KREMEN1: variants seen among roughly 807,000 people sequenced by gnomAD.
KREMEN1 encodes kringle containing transmembrane protein 1, also known as kremen protein 1.
KREMEN1 carries 30 observed loss-of-function variants against 46.5 expected under a neutral mutation model. The ratio of observed to expected loss-of-function variants is 0.65; its 90% CI spans 0.48 to 0.88. The LOEUF (loss-of-function observed/expected upper bound fraction) is 0.88. Ranked by LOEUF, KREMEN1 falls within the 40% of genes least tolerant of loss-of-function variation. The probability of loss-of-function intolerance (pLI) is 0.00; values close to 1 mark genes in which losing one functional copy is unlikely to be tolerated. For synonymous variants in KREMEN1, 214 were observed against 230.6 expected (o/e 0.93, Z 0.65); for missense variants, 533 against 596.9 (o/e 0.89, Z 1.11).
chr22:29,086,962 T>C (rs1469695918), intron 1 of KREMEN1, among the ~76,000 whole-genome samples: 4 of 152,100 alleles, frequency 2.6e-5, no homozygotes, highest in African/African-American at 9.7e-5. Flanking sequence ...GAGGTCTCCC[T>C]ATGTTGCCCA....
At chr22:29,109,614 A>C (rs2038111909) in intron 3 of KREMEN1, among the ~76,000 whole-genome samples, 1 of 152,168 alleles carries the variant, frequency 6.6e-6, no homozygotes, top group Non-Finnish European at 1.5e-5. Context: ...TGAGTAGAGG[A>C]GTGGACAAAA....
At chr22:29,079,221 T>C (rs134608) in intron 1 of KREMEN1, among the ~76,000 whole-genome samples, 111,532 of 152,136 alleles carry the variant, frequency 0.73, 41,340 homozygotes, top group Middle Eastern at 0.84. Context: ...TTCCTTCCCC[T>C]CCTTTTAAAT....
chr22:29,129,435 G>A (rs1278484758), intron 5 of KREMEN1, among the ~76,000 whole-genome samples: 1 of 152,104 alleles, frequency 6.6e-6, no homozygotes, highest in East Asian at 1.9e-4. Context: ...CATTGAACAA[G>A]GCTGAGCACT....
At chr22:29,136,478 A>C (rs1040975942) in intron 5 of KREMEN1, among the ~76,000 whole-genome samples, 5 of 151,636 alleles carry the variant, frequency 3.3e-5, no homozygotes, top group African/African-American at 9.7e-5. Flanking sequence ...GAAGGCTGAG[A>C]CAGGAGAATT....
intron 3 of KREMEN1, among the ~76,000 whole-genome samples, chr22:29,104,393 C>T (rs1601772064): frequency 6.6e-6 from 1 of 152,200 alleles, no homozygotes; most frequent in South Asian, 2.1e-4. Flanking sequence ...CTGGGCTCAG[C>T]AATCCTCCTG....
At chr22:29,133,879 T>G (rs974393558) in intron 5 of KREMEN1, 16 of 152,200 alleles carry the variant, frequency 1.1e-4, no homozygotes, top group Admixed American at 1.0e-3. Flanking sequence ...TGTTGGGAGC[T>G]CTGTTCTCTT....
rs771975669 is a variant in KREMEN1, at chr22:29,140,374, C to G, written c.1208+8C>G. On this transcript the variant is annotated splice_region_variant and intron_variant, in intron 8 of 8. Coordinates refer to ENST00000400335, the MANE Select transcript of KREMEN1 (RefSeq NM_001039570.3). ...TCTGCACGTCACATTCAAGTGAGTA[C>G]AAGAGGGAGCTGCCCAATTCCAGGA... 6.3e-7 allele frequency: 1 copy of G among 1,596,594 alleles called. No homozygotes were observed. Among genetic ancestry groups the G allele is most frequent in the African/African-American group, 1.3e-5 (1 of 74,596 alleles).
chr22:29,133,667 T>TG (rs1158124926), intron 5 of KREMEN1, among the ~76,000 whole-genome samples: 2 of 152,162 alleles, frequency 1.3e-5, no homozygotes, highest in African/African-American at 4.8e-5. Context: ...TTTGTTTGTT[T>TG]TTTTTGCTTT....
chr22:29,136,967 C>T (rs1041338435), intron 5 of KREMEN1, among the ~76,000 whole-genome samples: 10 of 152,166 alleles, frequency 6.6e-5, no homozygotes, highest in Non-Finnish European at 1.2e-4. Context: ...CACACATTCC[C>T]GTGATACAGG....
chr22:29,098,644 A>C (rs1416814901), intron 2 of KREMEN1, among the ~76,000 whole-genome samples: 5 of 152,024 alleles, frequency 3.3e-5, no homozygotes, highest in Non-Finnish European at 7.4e-5. Flanking sequence ...ACCTTTACTC[A>C]CTTCCCCCCA....
At chr22:29,134,780 T>C (rs1346750285) in intron 5 of KREMEN1, among the ~76,000 whole-genome samples, 1 of 152,224 alleles carries the variant, frequency 6.6e-6, no homozygotes, top group Non-Finnish European at 1.5e-5. Flanking sequence ...CGGGCTGCTA[T>C]CAGCTTGTGC....
chr22:29,125,600 G>A (rs2038429837), intron 5 of KREMEN1, among the ~76,000 whole-genome samples, 184 bp downstream of exon 5: 1 of 151,878 alleles, frequency 6.6e-6, no homozygotes, highest in Non-Finnish European at 1.5e-5. Context: ...TTCTGGAAGA[G>A]AGAACAGACA....
chr22:29,091,657 G>C (rs1348594159), intron 1 of KREMEN1, among the ~76,000 whole-genome samples: 1 of 152,144 alleles, frequency 6.6e-6, no homozygotes, highest in African/African-American at 2.4e-5. Context: ...CAGAAATACA[G>C]GTTTCAGGTC....
intron 9 of KREMEN1, among the ~76,000 whole-genome samples, chr22:29,152,809 T>A (rs1330430626): frequency 1.3e-5 from 2 of 151,952 alleles, no homozygotes; most frequent in African/African-American, 4.8e-5. Flanking sequence ...AGCCTGGGGG[T>A]GCCCCATGGG....
intron 5 of KREMEN1, among the ~76,000 whole-genome samples, chr22:29,131,177 A>C (rs2038527881): frequency 6.6e-6 from 1 of 152,182 alleles, no homozygotes; most frequent in African/African-American, 2.4e-5. Flanking sequence ...CCCACGAGAG[A>C]GAAACTATTA....
intron 9 of KREMEN1, among the ~76,000 whole-genome samples, chr22:29,157,851 A>AT (rs1202610204): frequency 6.6e-6 from 1 of 152,210 alleles, no homozygotes; most frequent in Non-Finnish European, 1.5e-5. Context: ...CCATCTTGTC[A>AT]TTCCACCATC....
chr22:29,073,098 G>T lies in KREMEN1; in HGVS notation c.-33G>T. 1.3e-6 allele frequency: 1 copy of T among 785,348 alleles called. No homozygotes were observed. The highest frequency in any genetic ancestry group is 1.5e-6 in the Non-Finnish European group (1 of 645,786). The allele number at this position is 785,348 out of a possible 1,614,324, so 48.6% of individuals were successfully genotyped here. On this transcript the variant is annotated 5_prime_UTR_variant, in exon 1 of 9. Coordinates refer to ENST00000400335, the MANE Select transcript of KREMEN1 (RefSeq NM_001039570.3). The surrounding 1 kb of genome is among the most constrained non-coding windows in gnomAD (Gnocchi z 4.4). ...CTCCCCGCGCTGCCCCCTTTACCCC[G>T]GGCCGCGCCCCGGGGCCCCGCACTG...
At chr22:29,160,171 A>T (rs2038998068) in intron 9 of KREMEN1, among the ~76,000 whole-genome samples, 1 of 152,154 alleles carries the variant, frequency 6.6e-6, no homozygotes, top group Non-Finnish European at 1.5e-5. Context: ...GTCTCAATAC[A>T]TTCAAAAAAA....
At chr22:29,156,744 G>A (rs1427750198) in intron 9 of KREMEN1, among the ~76,000 whole-genome samples, 1 of 152,236 alleles carries the variant, frequency 6.6e-6, no homozygotes, top group Non-Finnish European at 1.5e-5. Flanking sequence ...GCTGGGAGGA[G>A]CAAGGCTGCT....
Sources: gnomAD v4.1 joint callset for allele counts (sites outside exome capture counted in the v4.1 genomes callset) on GRCh38, gnomAD v4.1.1 for gene constraint, Gnocchi (gnomAD v3.1) non-coding constraint, MANE v1.5 for transcripts, NCBI Gene and HGNC (gene_info 2026-07-23, HGNC 2026-07-21) for gene names.